QKI: variants seen among roughly 807,000 people sequenced by gnomAD.
The protein encoded by QKI is KH domain-containing RNA-binding protein QKI.
In QKI, 10 loss-of-function variants were observed where a neutral mutation model predicts 39.0. That is an observed-to-expected ratio of 0.26 (90% CI 0.16 to 0.43). QKI has a LOEUF of 0.43. Among genes scored for constraint, QKI ranks in the 20% least tolerant of loss-of-function variants. The pLI is 1.00. For synonymous variants in QKI, 204 were observed against 155.4 expected (o/e 1.31, Z -2.33); for missense variants, 218 against 428.0 (o/e 0.51, Z 4.33).
Position 163,537,948 on chromosome 6 carries a change from A to G in QKI, c.546+2823A>G, listed in dbSNP as rs142507736. Among the ~76,000 whole-genome samples the G allele has an allele frequency of 1.2e-4, 19 of 152,232 alleles. No individual in the cohort carries two copies. The East Asian group carries it at 2.3e-3, about 19-fold the overall frequency. ...ACAAAACTCCTTAGCATGGCCTACA[A>G]ATTTCTTCATGATTTGCCATAGCTT... On this transcript the variant is annotated intron_variant, in intron 4 of 7. Transcript: ENST00000361752.
rs374502008 is a variant in QKI, at chr6:163,478,942, A to G, written c.402+46A>G. The G allele has an allele frequency of 1.2e-5, 16 of 1,365,728 alleles. No homozygotes were observed. In the East Asian group the frequency reaches 2.8e-4, roughly 24 times the overall value. 84.6% of individuals were successfully genotyped at this position (1,365,728 alleles called of 1,614,324 possible). ...TAAGTCTTTATGTGAGTAACTTACT[A>G]TACTTTTACATCGTAATAATAAAAT... On this transcript the variant is annotated intron_variant, in intron 3 of 7. Coordinates refer to ENST00000361752, the MANE Select transcript of QKI (RefSeq NM_006775.3).
rs73784413 is a variant in QKI at position 163,469,589 on chromosome 6, T to C, written c.286-9191T>C. Among the ~76,000 whole-genome samples, 1,261 of 152,314 alleles carry C rather than the reference T, an allele frequency of 8.3e-3. 21 individuals are homozygous for C. Among genetic ancestry groups the C allele is most frequent in the African/African-American group, 0.029 (1,212 of 41,566 alleles). On this transcript the variant is annotated intron_variant, in intron 2 of 7. Coordinates refer to ENST00000361752, the MANE Select transcript of QKI (RefSeq NM_006775.3). ...TCTCAATCCTTCACATTTACTTCAC[T>C]CCTTGCCACATAATAAGCCTTAAGT...
chr6:163,557,380 A>G (rs962242576), intron 4 of QKI, among the ~76,000 whole-genome samples: 1 of 152,224 alleles, frequency 6.6e-6, no homozygotes, highest in African/African-American at 2.4e-5. Context: ...GTCATTTGCA[A>G]CAACATGGAT....
At chr6:163,416,783 C>T (rs1329295075) in intron 1 of QKI, among the ~76,000 whole-genome samples, 2 of 152,182 alleles carry the variant, frequency 1.3e-5, no homozygotes, top group Non-Finnish European at 2.9e-5. Flanking sequence ...GCATTTTCCG[C>T]TGTTGGAACA....
chr6:163,475,474 T>C (rs1792517599), intron 2 of QKI, among the ~76,000 whole-genome samples: 1 of 152,192 alleles, frequency 6.6e-6, no homozygotes, highest in Admixed American at 6.5e-5. Context: ...TGTGCAAATA[T>C]GACACCGTTT....
intron 1 of QKI, among the ~76,000 whole-genome samples, chr6:163,439,420 T>C (rs919185987): frequency 2.1e-5 from 3 of 144,202 alleles, no homozygotes; most frequent in Non-Finnish European, 4.5e-5. Flanking sequence ...CGATCTCGGC[T>C]CAATGCACCC....
At chr6:163,564,762 A>G (rs1783251790) in intron 6 of QKI, 13 of 1,612,742 alleles carry the variant, frequency 8.1e-6, no homozygotes, top group Non-Finnish European at 1.1e-5. Context: ...CGACCAGTCA[A>G]TGTGGAACAA....
chr6:163,575,548 T>A lies in QKI; in HGVS notation c.*4838T>A, dbSNP rs1170717757. On this transcript the variant is annotated 3_prime_UTR_variant, in exon 8 of 8. Transcript: ENST00000361752. ...AAATTAATGTCCTTAAACTTTTCCTTTAGGCAAAATGTCAGGGAAAACTTA... is the reference window on the plus strand; with the variant it reads ...AAATTAATGTCCTTAAACTTTTCCTATAGGCAAAATGTCAGGGAAAACTTA... The A allele has an allele frequency of 6.6e-6, 1 of 152,160 alleles. No individual in the cohort carries two copies. The highest frequency in any genetic ancestry group is 1.5e-5 in the Non-Finnish European group (1 of 68,026). 9.4% of individuals were successfully genotyped at this position (152,160 alleles called of 1,614,324 possible).
At chr6:163,564,250 C>CT (rs955137360) in intron 6 of QKI, 3 of 1,029,932 alleles carry the variant, frequency 2.9e-6, no homozygotes, top group African/African-American at 1.7e-5. Flanking sequence ...GGGATACAGT[C>CT]TAAGAATTGC....
intron 3 of QKI, among the ~76,000 whole-genome samples, chr6:163,508,912 G>A (rs954593952): frequency 6.6e-6 from 1 of 151,772 alleles, no homozygotes; most frequent in African/African-American, 2.4e-5. Flanking sequence ...GCTGAGGTGG[G>A]TGAGTCACCT....
intron 3 of QKI, 34 bp downstream of exon 3, chr6:163,478,930 G>T: frequency 6.9e-7 from 1 of 1,443,996 alleles, no homozygotes; most frequent in Non-Finnish European, 9.6e-7. Context: ...GTCTTTATGT[G>T]AGTAACTTAC....
chr6:163,528,428 AG>A (rs1243193119), intron 3 of QKI, among the ~76,000 whole-genome samples: 1 of 152,096 alleles, frequency 6.6e-6, no homozygotes, highest in East Asian at 1.9e-4. Flanking sequence ...CATGCTGTAA[AG>A]TTGCTCTGGC....
At position 163,441,387 on chromosome 6, in the gene QKI, T is replaced by C. The variant is rs555024526; in HGVS notation, c.143-13892T>C. On this transcript the variant is annotated intron_variant, in intron 1 of 7. Coordinates refer to ENST00000361752, the MANE Select transcript of QKI (RefSeq NM_006775.3). ...ATGCCATATTGATGCTTGAGTGAAGTTACAAGAAATATTTTTGGAGCTTTG... is the reference window on the plus strand; with the variant it reads ...ATGCCATATTGATGCTTGAGTGAAGCTACAAGAAATATTTTTGGAGCTTTG... 2.0e-5 allele frequency among the ~76,000 whole-genome samples: 3 copies of C among 152,264 alleles called. No homozygotes were observed. In the South Asian group the frequency reaches 6.2e-4, roughly 32 times the overall value.
intron 3 of QKI, among the ~76,000 whole-genome samples, chr6:163,523,290 A>G (rs901980161): frequency 6.6e-5 from 10 of 152,218 alleles, no homozygotes; most frequent in Non-Finnish European, 1.2e-4. Context: ...TTCCCTAACT[A>G]ATGTAGAAAA....
chr6:163,564,191 C>T (rs577662566), intron 6 of QKI: 4 of 1,017,980 alleles, frequency 3.9e-6, no homozygotes, highest in East Asian at 1.9e-4. Context: ...GTAATATTTG[C>T]GATCACTTAA....
chr6:163,449,022 A>G (rs1359904345), intron 1 of QKI, among the ~76,000 whole-genome samples: 1 of 152,148 alleles, frequency 6.6e-6, no homozygotes, highest in Non-Finnish European at 1.5e-5. Flanking sequence ...ATAGATTACT[A>G]ATATTATTGT....
At chr6:163,509,206 A>G (rs1195889115) in intron 3 of QKI, among the ~76,000 whole-genome samples, 1 of 152,170 alleles carries the variant, frequency 6.6e-6, no homozygotes, top group Non-Finnish European at 1.5e-5. Flanking sequence ...CCTGAATTCT[A>G]TAACCAGTGA....
intron 3 of QKI, among the ~76,000 whole-genome samples, chr6:163,489,189 T>C (rs867483959): frequency 6.6e-6 from 1 of 151,058 alleles, no homozygotes; most frequent in Middle Eastern, 3.4e-3. Context: ...CAAAAAGGTA[T>C]AGTGCTGTGT....
At chr6:163,490,196 G>A (rs1028559858) in intron 3 of QKI, among the ~76,000 whole-genome samples, 4 of 152,134 alleles carry the variant, frequency 2.6e-5, no homozygotes, top group East Asian at 1.9e-4. Context: ...TTAAGTCATC[G>A]AGTCTAAACC....
Sources: gnomAD v4.1 joint callset for allele counts (sites outside exome capture counted in the v4.1 genomes callset) on GRCh38, gnomAD v4.1.1 for gene constraint, MANE v1.5 for transcripts, NCBI Gene and HGNC (gene_info 2026-07-23, HGNC 2026-07-21) for gene names.